The following TOP6BL variants were observed in gnomAD, a reference collection of about 807,000 sequenced individuals.
TOP6BL encodes TOP6B like initiator of meiotic double strand breaks.
the TOP6BL span, among the ~76,000 whole-genome samples, chr11:66,765,591 C>T: frequency 2.0e-5 from 3 of 152,220 alleles, no homozygotes; most frequent in African/African-American, 7.2e-5. Context: ...TCTTGGCTCA[C>T]TGCAACCTCT....
the TOP6BL span, chr11:66,803,904 G>A: frequency 9.5e-7 from 1 of 1,053,850 alleles, no homozygotes; most frequent in Non-Finnish European, 1.4e-6. Flanking sequence ...TTGTACATAT[G>A]CTAGAGGTTA....
chr11:66,839,046 C>G, the TOP6BL span: 3 of 449,140 alleles, frequency 6.7e-6, no homozygotes, highest in East Asian at 2.1e-4. Context: ...CCATGTCACT[C>G]TTAATGTGTG....
chr11:66,838,933 G>A, the TOP6BL span, among the ~76,000 whole-genome samples: 4 of 152,096 alleles, frequency 2.6e-5, no homozygotes, highest in South Asian at 2.1e-4. Flanking sequence ...GGGTTTCACC[G>A]TGTTAGCCAG....
At chr11:66,792,820 C>T in the TOP6BL span, among the ~76,000 whole-genome samples, 1 of 152,102 alleles carries the variant, frequency 6.6e-6, no homozygotes, top group African/African-American at 2.4e-5. Flanking sequence ...TATAATTAGC[C>T]CTCTCTATGA....
chr11:66,770,686 A>G, the TOP6BL span, among the ~76,000 whole-genome samples: 1 of 152,200 alleles, frequency 6.6e-6, no homozygotes, highest in Non-Finnish European at 1.5e-5. Context: ...CCTGGGTGAC[A>G]GAGCCAGACT....
the TOP6BL span, chr11:66,762,201 C>T: frequency 1.5e-6 from 1 of 685,294 alleles, no homozygotes; most frequent in South Asian, 1.6e-5. Context: ...GCCACACCCA[C>T]AGCCGGAGGT....
At chr11:66,831,007 A>G in the TOP6BL span, among the ~76,000 whole-genome samples, 1 of 152,242 alleles carries the variant, frequency 6.6e-6, no homozygotes, top group Non-Finnish European at 1.5e-5. Context: ...ATGGCAGATA[A>G]AGACATAAGA....
At chr11:66,810,490 C>T in the TOP6BL span, among the ~76,000 whole-genome samples, 1 of 152,132 alleles carries the variant, frequency 6.6e-6, no homozygotes. Flanking sequence ...CAGGTCTGTG[C>T]CTTTCTCTAA....
the TOP6BL span, chr11:66,800,953 C>G: frequency 6.7e-7 from 1 of 1,502,902 alleles, no homozygotes; most frequent in Non-Finnish European, 9.2e-7. Flanking sequence ...TGGTAGTAGT[C>G]ATGGGCCAAA....
the TOP6BL span, among the ~76,000 whole-genome samples, chr11:66,812,222 G>T: frequency 7.2e-6 from 1 of 138,136 alleles, no homozygotes; most frequent in African/African-American, 2.9e-5. Context: ...TGTCGCCCAG[G>T]CTGGAGTGCA....
the TOP6BL span, among the ~76,000 whole-genome samples, chr11:66,797,819 A>G: frequency 6.6e-6 from 1 of 152,182 alleles, no homozygotes; most frequent in Non-Finnish European, 1.5e-5. Flanking sequence ...AGAAATTTTG[A>G]TAGAATATTT....
At chr11:66,833,425 A>T in the TOP6BL span, among the ~76,000 whole-genome samples, 1 of 152,128 alleles carries the variant, frequency 6.6e-6, no homozygotes, top group Non-Finnish European at 1.5e-5. Context: ...ATAAGCTCAC[A>T]TTCACAAATT....
At chr11:66,816,366 A>G in the TOP6BL span, among the ~76,000 whole-genome samples, 1,252 of 152,358 alleles carry the variant, frequency 8.2e-3, 25 homozygotes, top group African/African-American at 0.029. Context: ...AAAGATTCAT[A>G]TATTGATGCA....
the TOP6BL span, among the ~76,000 whole-genome samples, chr11:66,819,366 G>A: frequency 6.6e-6 from 1 of 152,136 alleles, no homozygotes; most frequent in Non-Finnish European, 1.5e-5. Context: ...TTTCAAAAGA[G>A]ATCTGATTTC....
At chr11:66,842,819 G>A in the TOP6BL span, 2 of 1,528,490 alleles carry the variant, frequency 1.3e-6, no homozygotes, top group African/African-American at 1.4e-5. Flanking sequence ...GGCCATGAAA[G>A]TAAGATGAAG....
the TOP6BL span, among the ~76,000 whole-genome samples, chr11:66,798,985 T>A: frequency 6.6e-6 from 1 of 151,882 alleles, no homozygotes; most frequent in East Asian, 1.9e-4. Context: ...GGTGGGCAGA[T>A]CACCTGAGGT....
the TOP6BL span, chr11:66,816,245 T>C: frequency 7.7e-6 from 12 of 1,561,702 alleles, no homozygotes; most frequent in Non-Finnish European, 9.6e-6. Flanking sequence ...TGCCAAATGC[T>C]AAGAGAGAGG....
At chr11:66,821,310 C>T in the TOP6BL span, among the ~76,000 whole-genome samples, 5 of 136,926 alleles carry the variant, frequency 3.7e-5, no homozygotes, top group South Asian at 6.8e-4. Context: ...TTTTTTGAGA[C>T]GGAGTCTCAC....
At chr11:66,753,310 G>A in the TOP6BL span, among the ~76,000 whole-genome samples, 4 of 152,036 alleles carry the variant, frequency 2.6e-5, no homozygotes, top group Admixed American at 6.6e-5. Flanking sequence ...TAAGGATGGG[G>A]AAAGAGAGCA....
Sources: allele counts gnomAD v4.1 joint callset (sites outside exome capture counted in the v4.1 genomes callset), GRCh38; gene constraint gnomAD v4.1.1; transcripts MANE v1.5; gene names NCBI Gene and HGNC (gene_info 2026-07-23, HGNC 2026-07-21).